The following CSNK1G3 variants were observed in gnomAD, a reference collection of about 807,000 sequenced individuals.
The protein encoded by CSNK1G3 is casein kinase 1 gamma 3, also known as casein kinase I isoform gamma-3.
A neutral mutation model predicts 64.3 loss-of-function variants in CSNK1G3; 23 were observed. That is an observed-to-expected ratio of 0.36 (90% CI 0.26 to 0.51). The LOEUF (loss-of-function observed/expected upper bound fraction) is 0.51. CSNK1G3 is among the 20% of genes least tolerant of loss of function. CSNK1G3 has a pLI of 0.96. For missense variants in CSNK1G3, 357 were observed against 510.5 expected, an observed-to-expected ratio of 0.70 and a Z score of 2.90; for synonymous variants, 158 against 162.2, an observed-to-expected ratio of 0.97 and a Z score of 0.20.
intron 12 of CSNK1G3, among the ~76,000 whole-genome samples, chr5:123,610,943 G>C (rs987212324): frequency 2.0e-5 from 3 of 152,218 alleles, no homozygotes; most frequent in African/African-American, 7.2e-5. Context: ...ACTGTGAGCA[G>C]TCCTTTATGA....
In CSNK1G3 at chr5:123,558,727, A is replaced by G. The variant is rs182626772; in HGVS notation, c.289+1163A>G. The stretch of plus-strand genomic sequence containing the variant: ...ACAGACAGGCCTCAGGGAGTTATCA[A>G]AATTATCACTGACAACTGGGATTTA... On this transcript the variant is annotated intron_variant, in intron 4 of 12. Coordinates refer to ENST00000345990, the Ensembl canonical transcript of CSNK1G3. 3.7e-4 allele frequency among the ~76,000 whole-genome samples: 56 copies of G among 152,358 alleles called. 1 individual carries two copies. Among genetic ancestry groups the G allele is most frequent in the Non-Finnish European group, 6.8e-4 (46 of 68,032 alleles).
At chr5:123,554,493 A>C (rs191139077) in intron 3 of CSNK1G3, among the ~76,000 whole-genome samples, 1 of 152,330 alleles carries the variant, frequency 6.6e-6, no homozygotes, top group Admixed American at 6.5e-5. Context: ...TTAAAATTTC[A>C]AGGTCCCCTC....
chr5:123,539,225 T>C (rs1419545487), intron 1 of CSNK1G3, among the ~76,000 whole-genome samples: 1 of 151,996 alleles, frequency 6.6e-6, no homozygotes. Context: ...GAGGCGGGTA[T>C]ATTGCTTGAG....
intron 1 of CSNK1G3, among the ~76,000 whole-genome samples, chr5:123,533,979 G>GT (rs1286348755): frequency 3.3e-5 from 5 of 151,190 alleles, no homozygotes; most frequent in African/African-American, 4.9e-5. Context: ...TTTCTCTGCT[G>GT]TTTTTTTTCT....
chr5:123,547,830 G>A (rs1782844316), intron 2 of CSNK1G3, among the ~76,000 whole-genome samples: 1 of 151,916 alleles, frequency 6.6e-6, no homozygotes, highest in South Asian at 2.1e-4. Flanking sequence ...ACTTCTAAAA[G>A]GGTATTTTAC....
intron 1 of CSNK1G3, among the ~76,000 whole-genome samples, chr5:123,532,040 G>T (rs1185836884): frequency 6.6e-6 from 1 of 151,824 alleles, no homozygotes; most frequent in East Asian, 1.9e-4. Flanking sequence ...GCATCTGCAG[G>T]TATAATACAA....
intron 1 of CSNK1G3, among the ~76,000 whole-genome samples, chr5:123,533,747 T>C (rs988606891): frequency 2.6e-5 from 4 of 151,878 alleles, no homozygotes; most frequent in Non-Finnish European, 1.5e-5. Flanking sequence ...TTTCAATTTT[T>C]GCTGCTGTTT....
intron 2 of CSNK1G3, 86 bp from the exon 3 acceptor site, chr5:123,553,021 A>C (rs554835262): frequency 1.4e-6 from 1 of 701,092 alleles, no homozygotes; most frequent in East Asian, 3.0e-5. Flanking sequence ...TAAATGTATT[A>C]TGTGCTTTTT....
intron 12 of CSNK1G3, among the ~76,000 whole-genome samples, chr5:123,613,626 C>T (rs570828301): frequency 1.8e-4 from 27 of 152,164 alleles, no homozygotes; most frequent in South Asian, 4.2e-4. Flanking sequence ...CCTGCCTCGG[C>T]CTCTCAAAGT....
intron 1 of CSNK1G3, among the ~76,000 whole-genome samples, chr5:123,519,510 G>T (rs1299574250): frequency 6.6e-6 from 1 of 152,034 alleles, no homozygotes; most frequent in African/African-American, 2.4e-5. Flanking sequence ...CTATAAACTT[G>T]TTTAAATTTT....
intron 4 of CSNK1G3, among the ~76,000 whole-genome samples, chr5:123,568,553 A>G (rs888538437): frequency 6.6e-6 from 1 of 152,216 alleles, no homozygotes; most frequent in Admixed American, 6.5e-5. Context: ...AATTTGCTTC[A>G]AATGCTGAAC....
chr5:123,545,995 G>A, intron 2 of CSNK1G3, 154 bp downstream of exon 2: 1 of 684,008 alleles, frequency 1.5e-6, no homozygotes, highest in Admixed American at 2.9e-5. Flanking sequence ...TTTTGTAGTT[G>A]TATTTTCATG....
intron 4 of CSNK1G3, among the ~76,000 whole-genome samples, chr5:123,562,524 A>G (rs1785968030): frequency 6.6e-6 from 1 of 152,068 alleles, no homozygotes; most frequent in South Asian, 2.1e-4. Context: ...TATAATCTTC[A>G]AATTTCCTAT....
chr5:123,583,966 T>G (rs1790838136), intron 6 of CSNK1G3, among the ~76,000 whole-genome samples: 1 of 152,170 alleles, frequency 6.6e-6, no homozygotes, highest in Non-Finnish European at 1.5e-5. Context: ...GTGCTGAGAT[T>G]ACAGGTGTGA....
At chr5:123,551,331 C>T (rs1783597260) in intron 2 of CSNK1G3, among the ~76,000 whole-genome samples, 1 of 152,058 alleles carries the variant, frequency 6.6e-6, no homozygotes, top group Non-Finnish European at 1.5e-5. Context: ...GAAGGCACAT[C>T]TAAACATTGA....
At chr5:123,582,794 G>C (rs1341572305) in intron 6 of CSNK1G3, among the ~76,000 whole-genome samples, 1 of 152,082 alleles carries the variant, frequency 6.6e-6, no homozygotes, top group East Asian at 1.9e-4. Context: ...AACTGTTAAA[G>C]ACCCTAGGGG....
intron 1 of CSNK1G3, among the ~76,000 whole-genome samples, chr5:123,543,658 A>G (rs369051164): frequency 6.6e-6 from 1 of 152,154 alleles, no homozygotes; most frequent in African/African-American, 2.4e-5. Flanking sequence ...TCCTAGCCAG[A>G]GAGCTTGGAT....
intron 10 of CSNK1G3, among the ~76,000 whole-genome samples, chr5:123,594,726 C>T (rs1196657516): frequency 6.6e-6 from 1 of 151,990 alleles, no homozygotes; most frequent in East Asian, 1.9e-4. Context: ...TTGGTCATGG[C>T]ATTTTTACCT....
At chr5:123,600,792 A>G (rs1794357905) in intron 10 of CSNK1G3, among the ~76,000 whole-genome samples, 1 of 152,092 alleles carries the variant, frequency 6.6e-6, no homozygotes, top group South Asian at 2.1e-4. Context: ...ATCTTTTGGA[A>G]TTGGATTTGT....
Sources: allele counts gnomAD v4.1 joint callset (sites outside exome capture counted in the v4.1 genomes callset), GRCh38; gene constraint gnomAD v4.1.1; transcripts MANE v1.5; gene names NCBI Gene and HGNC (gene_info 2026-07-23, HGNC 2026-07-21).